The following RNF168 variants were observed in gnomAD, a reference collection of about 807,000 sequenced individuals.
RNF168 encodes the protein E3 ubiquitin-protein ligase RNF168.
A neutral mutation model predicts 34.9 loss-of-function variants in RNF168; 34 were observed. The observed-to-expected ratio is 0.97, with a 90% CI of 0.74 to 1.30. The LOEUF (loss-of-function observed/expected upper bound fraction) is 1.30. Ranked by LOEUF, RNF168 falls within the 50% of genes most tolerant of loss-of-function variation. RNF168 has a pLI of 0.00. For synonymous variants in RNF168, 264 were observed against 254.7 expected, an observed-to-expected ratio of 1.04 and a Z score of -0.35; for missense variants, 725 against 682.5, an observed-to-expected ratio of 1.06 and a Z score of -0.69.
rs181309181 is a variant in RNF168, at chr3:196,499,118, G to A, written c.301+3755C>T. On this transcript the variant is annotated intron_variant, in intron 1 of 5. Coordinates refer to ENST00000318037, the MANE Select transcript of RNF168 (RefSeq NM_152617.4). ...GGAAACAGGTTGTTACAGATATAAT[G>A]GAGTTCATACAAAGAGTACAGAGCC... is the stretch of plus-strand genomic sequence containing the variant. Among the ~76,000 whole-genome samples, 117 of 152,226 alleles carry A rather than the reference G, an allele frequency of 7.7e-4. 1 individual carries two copies. The highest frequency in any genetic ancestry group is 1.2e-3 in the Non-Finnish European group (79 of 68,024).
chr3:196,503,497 G>A lies in RNF168; in HGVS notation c.-324C>T, dbSNP rs886564959. 7.6e-6 allele frequency: 3 copies of A among 394,786 alleles called. No homozygotes were observed. The highest frequency in any genetic ancestry group is 8.2e-4 in the Middle Eastern group (1 of 1,226). The allele number at this position is 394,786 out of a possible 1,614,324, so 24.5% of individuals were successfully genotyped here. On this transcript the variant is annotated 5_prime_UTR_variant, in exon 1 of 6. Coordinates refer to ENST00000318037, the MANE Select transcript of RNF168 (RefSeq NM_152617.4). ...CCGCGGCTGCGGCTCCCGGGGCAGC[G>A]AGGGGAACGCGCCAAGTCCTCTCCT...
At position 196,483,758 on chromosome 3, in the gene RNF168, A is replaced by G; in HGVS notation, c.680+12T>C. The G allele has an allele frequency of 6.2e-7, 1 of 1,607,998 alleles. No individual in the cohort carries two copies. The highest frequency in any genetic ancestry group is 8.5e-7 in the Non-Finnish European group (1 of 1,174,666). ...GGAGGTCAACAAATAATTCATAGTC[A>G]TGTTCACTTACTTCTGAATATCTCC... On this transcript the variant is annotated intron_variant, in intron 4 of 5. Coordinates refer to ENST00000318037, the MANE Select transcript of RNF168 (RefSeq NM_152617.4).
chr3:196,472,829 G>C (rs1399216949), intron 5 of RNF168, 57 bp from the exon 6 acceptor site: 4 of 1,038,694 alleles, frequency 3.9e-6, no homozygotes, highest in Non-Finnish European at 6.0e-6. Flanking sequence ...ATCATAAGAT[G>C]TAAGTCTAAT....
rs1377247023 is a variant in RNF168, at chr3:196,487,501, C to T, written c.456G>A (p.Glu152=). 6.2e-7 allele frequency: 1 copy of T among 1,613,992 alleles called. No individual in the cohort carries two copies. The highest frequency in any genetic ancestry group is 2.2e-5 in the East Asian group (1 of 44,896). ...CCTGTCTTTTTTCCTCTTCTTCCTC[C>T]TCTGCCAACAACCTCTGTATGTATT... ...SEEYIQRLLA[E]EEEEEKRQAE... is the part of the protein sequence containing the mutation. The change falls in exon 3 of 6, where the codon GAG becomes GAA. Residue 152 remains glutamate (E), a synonymous_variant. Coordinates refer to ENST00000318037, the MANE Select transcript of RNF168 (RefSeq NM_152617.4).
At chr3:196,485,782 A>AT (rs1483717769) in intron 3 of RNF168, among the ~76,000 whole-genome samples, 3 of 89,394 alleles carry the variant, frequency 3.4e-5, no homozygotes, top group African/African-American at 1.5e-4. Context: ...ATATACATAT[A>AT]TATTTTTTTA....
At chr3:196,477,141 C>T (rs1228845473) in intron 4 of RNF168, among the ~76,000 whole-genome samples, 7 of 152,062 alleles carry the variant, frequency 4.6e-5, no homozygotes. Flanking sequence ...TATAAAAGAA[C>T]GGGGAATAGA....
intron 1 of RNF168, 147 bp downstream of exon 1, chr3:196,502,726 C>T (rs1200516599): frequency 5.4e-6 from 4 of 740,626 alleles, no homozygotes; most frequent in Admixed American, 2.1e-5. Context: ...ATTTGGGGAC[C>T]CATAAACCCC....
chr3:196,503,653 C>G lies in RNF168; in HGVS notation c.-480G>C. The G allele has an allele frequency of 4.7e-6, 1 of 211,556 alleles. No individual in the cohort carries two copies. The highest frequency in any genetic ancestry group is 9.8e-6 in the Non-Finnish European group (1 of 102,190). The allele number at this position is 211,556 out of a possible 1,614,324, so 13.1% of individuals were successfully genotyped here. A position where few individuals can be genotyped will look rare whatever the true frequency, so the allele number is the denominator to read the frequency against. On this transcript the variant is annotated 5_prime_UTR_variant, in exon 1 of 6. Transcript: ENST00000318037. ...CCGCTGCTGCGGGGGAGACGCGCGACTCCCGTGTTCACCTTTCGGGCGCCT... is the reference window on the plus strand; with the variant it reads ...CCGCTGCTGCGGGGGAGACGCGCGAGTCCCGTGTTCACCTTTCGGGCGCCT...
intron 1 of RNF168, among the ~76,000 whole-genome samples, chr3:196,500,048 T>C (rs1254782145): frequency 2.0e-5 from 3 of 152,144 alleles, no homozygotes; most frequent in African/African-American, 4.8e-5. Flanking sequence ...CCACGCACTG[T>C]TGGTGGGAAT....
At chr3:196,489,043 T>A (rs1037393452) in intron 1 of RNF168, among the ~76,000 whole-genome samples, 7 of 151,776 alleles carry the variant, frequency 4.6e-5, no homozygotes, top group Non-Finnish European at 7.4e-5. Context: ...TTTGGTAGAG[T>A]CAGGGTTTCA....
At chr3:196,477,403 C>G (rs1212964392) in intron 4 of RNF168, among the ~76,000 whole-genome samples, 7 of 152,174 alleles carry the variant, frequency 4.6e-5, no homozygotes, top group Non-Finnish European at 1.0e-4. Flanking sequence ...ATGGAACAAT[C>G]AAACCTAAAC....
intron 5 of RNF168, among the ~76,000 whole-genome samples, chr3:196,472,984 C>G (rs1034082473): frequency 6.6e-6 from 1 of 152,132 alleles, no homozygotes; most frequent in Non-Finnish European, 1.5e-5. Context: ...TCACTGCAAC[C>G]TTCACCTCCC....
intron 5 of RNF168, among the ~76,000 whole-genome samples, chr3:196,474,067 C>T (rs13066124): frequency 6.6e-6 from 1 of 151,962 alleles, no homozygotes; most frequent in Non-Finnish European, 1.5e-5. Context: ...GCTGAGGACT[C>T]CTGCTGAACA....
At chr3:196,490,943 A>G (rs1326742319) in intron 1 of RNF168, among the ~76,000 whole-genome samples, 19 of 152,262 alleles carry the variant, frequency 1.2e-4, no homozygotes, top group Admixed American at 1.2e-3. Context: ...GCAAGTCTTA[A>G]AGTAGAATCT....
At chr3:196,490,345 G>A (rs1191518727) in intron 1 of RNF168, among the ~76,000 whole-genome samples, 1 of 152,094 alleles carries the variant, frequency 6.6e-6, no homozygotes, top group East Asian at 1.9e-4. Context: ...AAAAGAGAAC[G>A]CATCTGTCTG....
At chr3:196,494,883 C>T (rs1353661102) in intron 1 of RNF168, among the ~76,000 whole-genome samples, 1 of 151,938 alleles carries the variant, frequency 6.6e-6, no homozygotes, top group Admixed American at 6.6e-5. Flanking sequence ...ATTAGCCTGG[C>T]GTAGTGGTGT....
chr3:196,475,082 G>A, intron 5 of RNF168, 149 bp downstream of exon 5: 1 of 619,424 alleles, frequency 1.6e-6, no homozygotes, highest in South Asian at 1.8e-5. Context: ...GAGAAAAAGT[G>A]CTTTTTCTCT....
At chr3:196,484,460 C>T (rs966228527) in intron 3 of RNF168, among the ~76,000 whole-genome samples, 8 of 144,384 alleles carry the variant, frequency 5.5e-5, no homozygotes, top group Middle Eastern at 3.9e-3. Context: ...AGGCATGAGG[C>T]ACCGCGCCCG....
intron 4 of RNF168, among the ~76,000 whole-genome samples, chr3:196,479,111 A>C (rs575213964): frequency 6.7e-6 from 1 of 149,780 alleles, no homozygotes; most frequent in African/African-American, 2.5e-5. Context: ...CCTGAGTTTT[A>C]AGCAATTCTC....
Sources: gnomAD v4.1 joint callset for allele counts (sites outside exome capture counted in the v4.1 genomes callset) on GRCh38, gnomAD v4.1.1 for gene constraint, MANE v1.5 for transcripts, NCBI Gene and HGNC (gene_info 2026-07-23, HGNC 2026-07-21) for gene names.